Variants in SLC14A2 observed in about 807,000 individuals in gnomAD.
SLC14A2 encodes the protein solute carrier family 14 member 2.
In SLC14A2, 91 loss-of-function variants were observed where a neutral mutation model predicts 104.6. The observed-to-expected ratio is 0.87, with a 90% CI of 0.73 to 1.04. The LOEUF is 1.04. SLC14A2 is among the 50% of genes least tolerant of loss of function. SLC14A2 has a pLI of 0.00. For missense variants in SLC14A2, 1,189 were observed against 1,156.0 expected (o/e 1.03, Z -0.41); for synonymous variants, 476 against 466.4 (o/e 1.02, Z -0.27).
intron 2 of SLC14A2, among the ~76,000 whole-genome samples, chr18:45,577,569 CTT>C (rs1206495018): frequency 6.6e-6 from 1 of 152,156 alleles, no homozygotes; most frequent in African/African-American, 2.4e-5. Context: ...ACCCAGAAGC[CTT>C]TGACTCAAAA....
chr18:45,354,610 T>A (rs948511118), intron 1 of SLC14A2, among the ~76,000 whole-genome samples: 9 of 152,244 alleles, frequency 5.9e-5, no homozygotes, highest in Non-Finnish European at 1.2e-4. Flanking sequence ...ATACCAGAGC[T>A]GGTGATGCTT....
At chr18:45,386,433 G>A (rs1049924639) in intron 1 of SLC14A2, among the ~76,000 whole-genome samples, 2 of 152,286 alleles carry the variant, frequency 1.3e-5, no homozygotes, top group South Asian at 2.1e-4. Flanking sequence ...ACCAAAGCCA[G>A]CCATAAGCTT....
intron 2 of SLC14A2, among the ~76,000 whole-genome samples, chr18:45,605,360 A>G (rs1013673097): frequency 6.6e-6 from 1 of 152,186 alleles, no homozygotes; most frequent in Non-Finnish European, 1.5e-5. Flanking sequence ...CACTGGTTTT[A>G]GTTCACCTTA....
chr18:45,628,033 A>C (rs1027899445), intron 4 of SLC14A2, among the ~76,000 whole-genome samples: 4 of 151,714 alleles, frequency 2.6e-5, no homozygotes, highest in Admixed American at 1.3e-4. Flanking sequence ...AAAGAAAAAG[A>C]AAAAAGAATA....
In SLC14A2 at chr18:45,273,435, G is replaced by A. The variant is rs146054329; in HGVS notation, c.-125+60244G>A. 2.8e-3 allele frequency among the ~76,000 whole-genome samples: 430 copies of A among 152,220 alleles called. 2 individuals carry two copies. The highest frequency in any genetic ancestry group is 9.2e-3 in the African/African-American group (383 of 41,556). ...TCTCTGGAGGTAAAATCAAGATAAC[G>A]TTCAAACCATAGAGCCTTTAAATGG... On this transcript the variant is annotated intron_variant, in intron 1 of 20. Transcript: ENST00000586448.
rs975671486 is a variant in SLC14A2 at position 45,683,504 on chromosome 18, G to A, written c.*985G>A. 3.3e-5 allele frequency: 5 copies of A among 152,226 alleles called. No individual in the cohort carries two copies. The highest frequency in any genetic ancestry group is 1.2e-4 in the African/African-American group (5 of 41,452). 9.4% of individuals were successfully genotyped at this position (152,226 alleles called of 1,614,324 possible). ...TTGAGTCATAGGAAAATGCTCTCCA[G>A]ACGTGGGGTTAGGAACCTAAATTCA... On this transcript the variant is annotated 3_prime_UTR_variant, in exon 20 of 20. Transcript: ENST00000255226.
chr18:45,333,819 T>G, intron 1 of SLC14A2, among the ~76,000 whole-genome samples: 1 of 152,200 alleles, frequency 6.6e-6, no homozygotes, highest in East Asian at 1.9e-4. Context: ...GTTTATTGAG[T>G]GCCAAGCACT....
intron 1 of SLC14A2, among the ~76,000 whole-genome samples, chr18:45,347,481 C>T (rs1274169494): frequency 6.6e-6 from 1 of 152,244 alleles, no homozygotes; most frequent in African/African-American, 2.4e-5. Context: ...AACCACTTAT[C>T]TCCACAAGAA....
At chr18:45,375,560 G>A (rs1397461374) in intron 1 of SLC14A2, among the ~76,000 whole-genome samples, 2 of 152,234 alleles carry the variant, frequency 1.3e-5, no homozygotes, top group Non-Finnish European at 2.9e-5. Flanking sequence ...CAGAATACTC[G>A]GGGAGACTGA....
chr18:45,434,169 C>G (rs1345492), intron 1 of SLC14A2, among the ~76,000 whole-genome samples: 74,721 of 151,552 alleles, frequency 0.49, 18,785 homozygotes, highest in Admixed American at 0.64. Context: ...ATATTGTTCT[C>G]TCTCTAAAGC....
At chr18:45,338,871 T>C (rs774111744) in intron 1 of SLC14A2, among the ~76,000 whole-genome samples, 4 of 152,064 alleles carry the variant, frequency 2.6e-5, no homozygotes, top group East Asian at 3.9e-4. Context: ...AGGGGACCGA[T>C]TGGGTTCCTA....
chr18:45,497,566 C>T (rs146438284), intron 2 of SLC14A2, among the ~76,000 whole-genome samples: 4 of 152,302 alleles, frequency 2.6e-5, no homozygotes, highest in Non-Finnish European at 5.9e-5. Context: ...TGACACCTGG[C>T]TTTGAGCTTT....
chr18:45,305,838 G>C (rs1415850507), intron 1 of SLC14A2, among the ~76,000 whole-genome samples: 2 of 152,010 alleles, frequency 1.3e-5, no homozygotes, highest in African/African-American at 2.4e-5. Context: ...TAATATTTTG[G>C]CTCATTAATT....
intron 2 of SLC14A2, among the ~76,000 whole-genome samples, chr18:45,539,637 G>A (rs186075848): frequency 7.0e-4 from 107 of 152,290 alleles, no homozygotes; most frequent in African/African-American, 2.5e-3. Flanking sequence ...TTGAAATACG[G>A]CTGCCTCTTC....
chr18:45,468,912 T>C (rs182490525), intron 1 of SLC14A2, among the ~76,000 whole-genome samples: 9 of 152,342 alleles, frequency 5.9e-5, no homozygotes, highest in African/African-American at 2.2e-4. Context: ...AGGTGTCAAG[T>C]GTATCTGATG....
At chr18:45,311,879 G>A (rs72906647) in intron 1 of SLC14A2, among the ~76,000 whole-genome samples, 12,299 of 152,268 alleles carry the variant, frequency 0.081, 651 homozygotes, top group South Asian at 0.11. Context: ...ATTATGCAGA[G>A]GCCAAGACGT....
chr18:45,277,300 G>GA (rs2084712758), intron 1 of SLC14A2, among the ~76,000 whole-genome samples: 1 of 151,924 alleles, frequency 6.6e-6, no homozygotes, highest in African/African-American at 2.4e-5. Context: ...AATATAAAAA[G>GA]AAAAAAAGCC....
the SLC14A2 span, among the ~76,000 whole-genome samples, chr18:45,180,789 A>G: frequency 2.0e-5 from 3 of 152,370 alleles, no homozygotes; most frequent in South Asian, 6.2e-4. Context: ...AATTCAGAAC[A>G]TGATATAATC....
At chr18:45,509,773 G>A (rs770314924) in intron 2 of SLC14A2, among the ~76,000 whole-genome samples, 18 of 152,186 alleles carry the variant, frequency 1.2e-4, no homozygotes, top group Non-Finnish European at 1.8e-4. Flanking sequence ...GTTCCATTGC[G>A]ATGAACTTTG....
Sources: gnomAD v4.1 joint callset for allele counts (sites outside exome capture counted in the v4.1 genomes callset) on GRCh38, gnomAD v4.1.1 for gene constraint, MANE v1.5 for transcripts, NCBI Gene and HGNC (gene_info 2026-07-23, HGNC 2026-07-21) for gene names.